SPATA13: variants seen among roughly 807,000 people sequenced by gnomAD.
SPATA13 encodes spermatogenesis-associated protein 13.
SPATA13 carries 50 observed loss-of-function variants against 104.0 expected under a neutral mutation model. The ratio of observed to expected loss-of-function variants is 0.48; its 90% confidence interval spans 0.38 to 0.61. SPATA13 has a LOEUF of 0.61. SPATA13 is among the 20% of genes least tolerant of loss of function. SPATA13 has a pLI of 0.00. For synonymous variants in SPATA13, 606 were observed against 667.5 expected, an observed-to-expected ratio of 0.91 and a Z score of 1.42; for missense variants, 1,524 against 1,690.6, an observed-to-expected ratio of 0.90 and a Z score of 1.73.
chr13:24,242,049 C>CA (rs113767563), intron 2 of SPATA13, among the ~76,000 whole-genome samples: 6,526 of 132,332 alleles, frequency 0.049, 442 homozygotes, highest in African/African-American at 0.16. Context: ...GAGACTGTCT[C>CA]AAAAAAAAAA....
intron 2 of SPATA13, among the ~76,000 whole-genome samples, chr13:24,002,819 A>T (rs1211584956): frequency 6.6e-6 from 1 of 152,188 alleles, no homozygotes; most frequent in East Asian, 1.9e-4. Flanking sequence ...CGTAGAACCC[A>T]TCCAGCTCTG....
chr13:24,256,180 A>G (rs1873779195), intron 4 of SPATA13, among the ~76,000 whole-genome samples: 1 of 152,236 alleles, frequency 6.6e-6, no homozygotes. Flanking sequence ...TAATGAAAGT[A>G]TATTTCTCCT....
intron 3 of SPATA13, among the ~76,000 whole-genome samples, chr13:24,082,979 A>G (rs1180256932): frequency 1.3e-5 from 2 of 152,194 alleles, no homozygotes; most frequent in African/African-American, 2.4e-5. Context: ...TAATTTTGCC[A>G]AGTGCTTCTG....
chr13:24,258,747 A>C (rs1305064225), intron 4 of SPATA13, among the ~76,000 whole-genome samples: 2 of 152,210 alleles, frequency 1.3e-5, no homozygotes, highest in Non-Finnish European at 2.9e-5. Context: ...TAAATGTCTT[A>C]GTGATAAATC....
intron 2 of SPATA13, among the ~76,000 whole-genome samples, chr13:23,991,332 G>A (rs1431364813): frequency 2.0e-5 from 3 of 152,338 alleles, no homozygotes; most frequent in Middle Eastern, 3.4e-3. Flanking sequence ...TTTGCAGAAT[G>A]TAGTCACTGA....
intron 2 of SPATA13, among the ~76,000 whole-genome samples, chr13:24,007,619 A>G (rs900174673): frequency 1.3e-5 from 2 of 152,036 alleles, no homozygotes; most frequent in African/African-American, 4.8e-5. Context: ...CCACACCTGG[A>G]TAATTTTTTG....
At chr13:24,157,797 A>T (rs929519493), upstream of SPATA13, among the ~76,000 whole-genome samples, 4 of 152,168 alleles carry the variant, frequency 2.6e-5, no homozygotes, top group Admixed American at 6.5e-5. Context: ...GGGAGCTCAC[A>T]GCACTGCTTT....
intron 1 of SPATA13, among the ~76,000 whole-genome samples, chr13:24,178,235 C>T (rs1034134373): frequency 6.6e-6 from 1 of 152,196 alleles, no homozygotes; most frequent in African/African-American, 2.4e-5. Flanking sequence ...ATAATAACAG[C>T]TCCTACCATT....
chr13:24,030,559 A>G (rs78545278), intron 3 of SPATA13, among the ~76,000 whole-genome samples: 12,528 of 152,172 alleles, frequency 0.082, 1,016 homozygotes, highest in East Asian at 0.44. Context: ...TTAAAGCCCC[A>G]GCCCCAGAGC....
chr13:24,139,824 T>C (rs1361225588), intron 3 of SPATA13, among the ~76,000 whole-genome samples: 2 of 152,138 alleles, frequency 1.3e-5, no homozygotes, highest in Non-Finnish European at 2.9e-5. Context: ...TCCCAGCACT[T>C]TGGGAGGCCA....
chr13:24,213,498 C>A lies in SPATA13; in HGVS notation c.-111-9321C>A, dbSNP rs1421709267. 2.0e-5 allele frequency among the ~76,000 whole-genome samples: 3 copies of A among 152,082 alleles called. No individual in the cohort carries two copies. In the East Asian group the frequency reaches 5.8e-4, roughly 29 times the overall value. Reference sequence around the variant, plus strand: ...GCCAGGCTGCTCTCAAACTCCCGACCTCATGATCCATCTGCCTCGGCCTCC... The same window carrying A: ...GCCAGGCTGCTCTCAAACTCCCGACATCATGATCCATCTGCCTCGGCCTCC... On this transcript the variant is annotated intron_variant, in intron 1 of 12. Coordinates refer to ENST00000382108, the MANE Select transcript of SPATA13 (RefSeq NM_001166271.3).
At chr13:24,157,897 T>TGAGG (rs1882311658), upstream of SPATA13, among the ~76,000 whole-genome samples, 1 of 152,160 alleles carries the variant, frequency 6.6e-6, no homozygotes, top group African/African-American at 2.4e-5. Context: ...GTTCAACCCT[T>TGAGG]CTAACTTCAT....
In SPATA13 at chr13:23,986,346, C is replaced by T. The variant is rs547613527; in HGVS notation, c.-147+2413C>T. ...CAGAGATCAGAATGGGCCAGAGGAG[C>T]GTCAGGAGACCTGGGTGCAAGTCTT... On this transcript the variant is annotated intron_variant, in intron 2 of 14. Transcript: ENST00000424834. Among the ~76,000 whole-genome samples, 48 of 152,280 alleles carry T rather than the reference C, an allele frequency of 3.2e-4. No homozygotes were observed. The South Asian group carries it at 8.7e-3, about 28-fold the overall frequency.
intron 1 of SPATA13, among the ~76,000 whole-genome samples, chr13:24,180,750 T>C (rs1468734655): frequency 6.6e-6 from 1 of 152,232 alleles, no homozygotes; most frequent in African/African-American, 2.4e-5. Flanking sequence ...ATAGATGGGA[T>C]AGTTTTCATA....
chr13:24,013,763 A>G (rs373916574), intron 2 of SPATA13, among the ~76,000 whole-genome samples: 43 of 139,854 alleles, frequency 3.1e-4, no homozygotes, highest in African/African-American at 1.2e-3. Flanking sequence ...CAGTGTTAGG[A>G]GTGCCACATG....
At position 24,304,341 on chromosome 13, in the gene SPATA13, G is replaced by A. The variant is rs1877429093; in HGVS notation, c.*1568G>A. The A allele has an allele frequency of 6.6e-6, 1 of 152,226 alleles. No homozygotes were observed. Among genetic ancestry groups the A allele is most frequent in the South Asian group, 2.1e-4 (1 of 4,832 alleles). 9.4% of individuals were successfully genotyped at this position (152,226 alleles called of 1,614,324 possible). On this transcript the variant is annotated 3_prime_UTR_variant, in exon 13 of 13. Coordinates refer to ENST00000382108, the MANE Select transcript of SPATA13 (RefSeq NM_001166271.3). The stretch of plus-strand genomic sequence containing the variant: ...TAACTTTTAACTATGTCTAGAGAAG[G>A]CAGGCTCTGCAAGAGAGGTGCCCTT...
At chr13:24,221,660 G>A (rs1225212344) in intron 1 of SPATA13, among the ~76,000 whole-genome samples, 2 of 152,096 alleles carry the variant, frequency 1.3e-5, no homozygotes, top group African/African-American at 4.8e-5. Flanking sequence ...ACAGGTGTGT[G>A]CAGTAAAGAT....
At chr13:24,187,476 A>G (rs1869223136) in intron 1 of SPATA13, among the ~76,000 whole-genome samples, 1 of 152,086 alleles carries the variant, frequency 6.6e-6, no homozygotes, top group South Asian at 2.1e-4. Flanking sequence ...GCCTAGCTTT[A>G]TTGCATTTTG....
intron 2 of SPATA13, among the ~76,000 whole-genome samples, chr13:24,245,291 A>G (rs570838400): frequency 2.0e-5 from 3 of 152,334 alleles, no homozygotes; most frequent in African/African-American, 7.2e-5. Context: ...CTTAAAAAAA[A>G]AAAAAGATTC....
Sources: allele counts gnomAD v4.1 joint callset (sites outside exome capture counted in the v4.1 genomes callset), GRCh38; gene constraint gnomAD v4.1.1; transcripts MANE v1.5; gene names NCBI Gene and HGNC (gene_info 2026-07-23, HGNC 2026-07-21).